Variants in BCHE observed in about 807,000 individuals in gnomAD.
The protein encoded by BCHE is butyrylcholinesterase.
BCHE carries 48 observed loss-of-function variants against 51.3 expected under a neutral mutation model. The observed-to-expected ratio is 0.94, with a 90% CI of 0.74 to 1.19. The LOEUF is 1.19. BCHE is among the 50% of genes most tolerant of loss of function. The probability of loss-of-function intolerance (pLI) is 0.00; values close to 1 mark genes in which losing one functional copy is unlikely to be tolerated. For missense variants in BCHE, 847 were observed against 708.2 expected, an observed-to-expected ratio of 1.20 and a Z score of -2.23; for synonymous variants, 251 against 238.0, an observed-to-expected ratio of 1.05 and a Z score of -0.50.
At chr3:165,814,688 G>A (rs1212650214) in intron 2 of BCHE, among the ~76,000 whole-genome samples, 1 of 151,912 alleles carries the variant, frequency 6.6e-6, no homozygotes, top group Non-Finnish European at 1.5e-5. Flanking sequence ...CTAAACTTAT[G>A]TCTGACATAC....
chr3:165,828,841 T>A (rs1277412431), intron 2 of BCHE, among the ~76,000 whole-genome samples: 2 of 152,216 alleles, frequency 1.3e-5, no homozygotes, highest in African/African-American at 4.8e-5. Flanking sequence ...ATACTTATAA[T>A]ATATGGGGGA....
intron 2 of BCHE, among the ~76,000 whole-genome samples, chr3:165,794,339 CT>C (rs1315352739): frequency 2.6e-5 from 4 of 151,952 alleles, no homozygotes; most frequent in South Asian, 4.2e-4. Flanking sequence ...AGTATTTTTT[CT>C]TTGCATACTC....
chr3:165,836,180 T>C (rs899765535), intron 1 of BCHE, among the ~76,000 whole-genome samples: 3 of 151,946 alleles, frequency 2.0e-5, no homozygotes, highest in Non-Finnish European at 1.5e-5. Context: ...AGAACTTTGA[T>C]AACCCAATTA....
chr3:165,784,242 C>T (rs1712818550), intron 3 of BCHE, among the ~76,000 whole-genome samples: 2 of 151,860 alleles, frequency 1.3e-5, no homozygotes, highest in Non-Finnish European at 1.5e-5. Flanking sequence ...ATGGCAAGAA[C>T]ATGGGCCCTT....
intron 3 of BCHE, among the ~76,000 whole-genome samples, chr3:165,784,902 C>T (rs1236757521): frequency 3.3e-5 from 5 of 151,602 alleles, no homozygotes; most frequent in African/African-American, 1.2e-4. Context: ...GGTCTCTTGG[C>T]ATATTAATGA....
intron 2 of BCHE, among the ~76,000 whole-genome samples, chr3:165,786,825 CA>C (rs1317264182): frequency 6.6e-6 from 1 of 151,716 alleles, no homozygotes; most frequent in Non-Finnish European, 1.5e-5. Context: ...CTTTCAGTCC[CA>C]CTTTTAAGTT....
Position 165,829,637 on chromosome 3 carries a change from T to G in BCHE, c.1397A>C (p.His466Pro). The G allele has an allele frequency of 6.2e-7, 1 of 1,613,904 alleles. No homozygotes were observed. The highest frequency in any genetic ancestry group is 1.1e-5 in the South Asian group (1 of 91,076). Residue 466 changes from histidine (H) to proline (P), a missense_variant, in exon 2 of 4, where the codon CAT (histidine) becomes CCT (proline). Transcript: ENST00000264381. The part of the protein sequence containing the change: ...LPWPEWMGVM[H>P]GYEIEFVFGL... ...AAAGACAAATTCAATTTCATAGCCA[T>G]GCATCACTCCCATCCATTCTGGCCA... is the stretch of plus-strand genomic sequence containing the variant.
chr3:165,833,152 A>G (rs1268383987), intron 1 of BCHE, among the ~76,000 whole-genome samples: 1 of 152,142 alleles, frequency 6.6e-6, no homozygotes, highest in Non-Finnish European at 1.5e-5. Context: ...GTACAATTAG[A>G]TGTGTGCTAA....
At chr3:165,820,078 T>C (rs1395614146) in intron 2 of BCHE, among the ~76,000 whole-genome samples, 1 of 152,180 alleles carries the variant, frequency 6.6e-6, no homozygotes, top group Admixed American at 6.6e-5. Flanking sequence ...AGATTTTCCA[T>C]GTTTTAATGA....
At chr3:165,797,207 TC>T (rs1713425132) in intron 2 of BCHE, among the ~76,000 whole-genome samples, 4 of 3,430 alleles carry the variant, frequency 1.2e-3, no homozygotes, top group African/African-American at 2.0e-3. Flanking sequence ...CTCCCTTCCT[TC>T]CTTCCCTCCT....
chr3:165,810,198 AC>A (rs1714040886), intron 2 of BCHE, among the ~76,000 whole-genome samples: 1 of 152,144 alleles, frequency 6.6e-6, no homozygotes, highest in East Asian at 1.9e-4. Context: ...ATATCTGATA[AC>A]AAGTGTTAGT....
intron 3 of BCHE, among the ~76,000 whole-genome samples, chr3:165,775,256 G>C (rs944473599): frequency 6.6e-6 from 1 of 151,834 alleles, no homozygotes; most frequent in Non-Finnish European, 1.5e-5. Flanking sequence ...ATATATTTAG[G>C]TTTGAAATGT....
chr3:165,824,174 ATATT>A lies in BCHE; in HGVS notation c.1517+5339_1517+5342del, dbSNP rs1560020277. ...AATAAGAGGAAAACATCAATAAATT[ATATT>A]ATTATTAGAAAACAATATAAAAATA... On this transcript the variant is annotated intron_variant, in intron 2 of 3. Transcript: ENST00000264381. Among the ~76,000 whole-genome samples the A allele has an allele frequency of 3.9e-4, 59 of 151,642 alleles. 1 individual carries two copies.
chr3:165,789,791 G>T (rs1161586510), intron 2 of BCHE, among the ~76,000 whole-genome samples: 1 of 151,930 alleles, frequency 6.6e-6, no homozygotes, highest in African/African-American at 2.4e-5. Context: ...GAATAGAAGG[G>T]CTATAAGAAG....
intron 2 of BCHE, among the ~76,000 whole-genome samples, chr3:165,818,612 C>A (rs1279611905): frequency 6.6e-6 from 1 of 152,038 alleles, no homozygotes; most frequent in East Asian, 1.9e-4. Flanking sequence ...CAAAGTCTAT[C>A]TGGAATATTT....
chr3:165,795,595 G>A lies in BCHE; in HGVS notation c.1518-9284C>T, dbSNP rs372480085. ...ATCTCCAGACATTTCTATTGCTAAC[G>A]GTAGAAATGAGAAAAATAATTACCG... is the stretch of plus-strand genomic sequence containing the variant. On this transcript the variant is annotated intron_variant, in intron 2 of 3. Transcript: ENST00000264381. Among the ~76,000 whole-genome samples, 25 of 152,092 alleles carry A rather than the reference G, an allele frequency of 1.6e-4. No individual in the cohort carries two copies. The South Asian group carries it at 5.0e-3, about 30-fold the overall frequency.
intron 2 of BCHE, among the ~76,000 whole-genome samples, chr3:165,826,894 T>C (rs1324660615): frequency 6.6e-6 from 1 of 152,108 alleles, no homozygotes. Context: ...TTACAGGGTG[T>C]TTAGCAGCAT....
In BCHE at chr3:165,829,559, C is replaced by T; in HGVS notation, c.1475G>A (p.Ser492Asn). The change falls in exon 2 of 4, where the codon AGT (serine) becomes AAT (asparagine). Residue 492 changes from serine to asparagine, a missense_variant. By Grantham distance (46) the Ser-to-Asn change is conservative. Coordinates refer to ENST00000264381, the MANE Select transcript of BCHE (RefSeq NM_000055.4). The stretch of plus-strand genomic sequence containing the variant: ...TGCCCACCGTTTCACTATGGATCTA[C>T]TCAAAATTTCCTCGGCTTTTGTGTA... ...DNYTKAEEIL[S>N]RSIVKRWANF... 4 of 1,613,778 alleles carry T rather than the reference C, an allele frequency of 2.5e-6. No individual in the cohort carries two copies. The highest frequency in any genetic ancestry group is 3.4e-6 in the Non-Finnish European group (4 of 1,179,820).
In BCHE at chr3:165,773,447, T is replaced by A. The variant is rs1353006897; in HGVS notation, c.1744A>T (p.Met582Leu). The A allele has an allele frequency of 6.2e-7, 1 of 1,609,082 alleles. No individual in the cohort carries two copies. The highest frequency in any genetic ancestry group is 1.7e-5 in the Admixed American group (1 of 59,938). Residue 582 changes from methionine (M) to leucine (L), a missense_variant, in exon 4 of 4, where the codon ATG becomes TTG. By Grantham distance (15) the Met-to-Leu change is conservative. Transcript: ENST00000264381. ...KAGFHRWNNYMMDWKNQFNDY... is the reference protein window; with the variant it reads ...KAGFHRWNNYLMDWKNQFNDY... Reference sequence around the variant, plus strand: ...TTAAATTGATTTTTCCAGTCCATCATGTAATTGTTCCAGCGATGGAATCCT... The same window carrying A: ...TTAAATTGATTTTTCCAGTCCATCAAGTAATTGTTCCAGCGATGGAATCCT...
Sources: allele counts gnomAD v4.1 joint callset (sites outside exome capture counted in the v4.1 genomes callset), GRCh38; gene constraint gnomAD v4.1.1; transcripts MANE v1.5; gene names NCBI Gene and HGNC (gene_info 2026-07-23, HGNC 2026-07-21).